The following NRG1 variants were observed in gnomAD, a reference collection of about 807,000 sequenced individuals.
NRG1 encodes pro-neuregulin-1, membrane-bound isoform.
A neutral mutation model predicts 63.8 loss-of-function variants in NRG1; 18 were observed. That is an observed-to-expected ratio of 0.28 (90% CI 0.19 to 0.42). NRG1 has a LOEUF of 0.42. NRG1 is among the 10% of genes least tolerant of loss of function. The pLI, the probability that NRG1 is intolerant of heterozygous loss-of-function variation, is 1.00. For missense variants in NRG1, 762 were observed against 814.7 expected, an observed-to-expected ratio of 0.94 and a Z score of 0.79; for synonymous variants, 302 against 301.3, an observed-to-expected ratio of 1.00 and a Z score of -0.02.
chr8:32,563,526 T>C (rs1238067625), intron 1 of NRG1, among the ~76,000 whole-genome samples: 1 of 152,228 alleles, frequency 6.6e-6, no homozygotes, highest in Non-Finnish European at 1.5e-5. Context: ...TGGGTACTGG[T>C]TATGAATTGT....
At chr8:31,925,001 T>C (rs1834223077) in intron 1 of NRG1, among the ~76,000 whole-genome samples, 1 of 151,420 alleles carries the variant, frequency 6.6e-6, no homozygotes, top group African/African-American at 2.4e-5. Flanking sequence ...ATGAACTTGT[T>C]TTATTGCTTA....
chr8:31,660,544 A>G (rs1004080223), intron 1 of NRG1, among the ~76,000 whole-genome samples: 1 of 152,368 alleles, frequency 6.6e-6, no homozygotes, highest in East Asian at 1.9e-4. Context: ...CAATTAAAAC[A>G]AGGAGAGTCT....
rs567341947 is a variant in NRG1 at position 32,727,026 on chromosome 8, T to C, written c.503-923T>C. Reference sequence around the variant, plus strand: ...GATAAACATTGTGTATATTAGACTATTTTTGGTTGGGACTGAGTATTGCCC... The same window carrying C: ...GATAAACATTGTGTATATTAGACTACTTTTGGTTGGGACTGAGTATTGCCC... On this transcript the variant is annotated intron_variant, in intron 5 of 11. Transcript: ENST00000356819. Among the ~76,000 whole-genome samples, 12 of 152,218 alleles carry C rather than the reference T, an allele frequency of 7.9e-5. No homozygotes were observed. The East Asian group carries it at 1.4e-3, about 17-fold the overall frequency.
At chr8:31,822,861 T>C (rs1389722413) in intron 1 of NRG1, among the ~76,000 whole-genome samples, 1 of 152,202 alleles carries the variant, frequency 6.6e-6, no homozygotes. Flanking sequence ...AGCAGCACTT[T>C]CAGGCAAGGT....
chr8:31,720,468 C>T (rs550680550), intron 1 of NRG1, among the ~76,000 whole-genome samples: 3 of 152,228 alleles, frequency 2.0e-5, no homozygotes, highest in East Asian at 3.9e-4. Flanking sequence ...CTTCCTGATG[C>T]TCTCCCTCCC....
intron 1 of NRG1, among the ~76,000 whole-genome samples, chr8:32,332,593 A>T (rs1802784118): frequency 6.6e-6 from 1 of 152,236 alleles, no homozygotes; most frequent in South Asian, 2.1e-4. Flanking sequence ...ACAAATGATT[A>T]TTCTTCTGAC....
intron 5 of NRG1, among the ~76,000 whole-genome samples, chr8:32,673,246 CAT>C (rs1249730870): frequency 2.0e-5 from 3 of 152,158 alleles, no homozygotes; most frequent in Non-Finnish European, 2.9e-5. Context: ...AAACTTTATA[CAT>C]GTTTCAATTC....
At chr8:31,768,501 C>A (rs1194491119) in intron 1 of NRG1, among the ~76,000 whole-genome samples, 1 of 152,156 alleles carries the variant, frequency 6.6e-6, no homozygotes, top group Non-Finnish European at 1.5e-5. Context: ...GGAATGTTAG[C>A]CCACTGAAGT....
intron 1 of NRG1, among the ~76,000 whole-genome samples, chr8:32,491,665 G>T (rs571994826): frequency 6.6e-6 from 1 of 152,330 alleles, no homozygotes; most frequent in African/African-American, 2.4e-5. Context: ...AGAGGAAAAA[G>T]CTGTTTTAGT....
At chr8:32,758,652 G>T (rs115310555) in intron 9 of NRG1, among the ~76,000 whole-genome samples, 2,077 of 150,370 alleles carry the variant, frequency 0.014, 43 homozygotes, top group African/African-American at 0.048. Context: ...GAATCTACCT[G>T]CATTAAATAG....
At chr8:31,790,854 G>A (rs1820629519) in intron 1 of NRG1, among the ~76,000 whole-genome samples, 1 of 152,176 alleles carries the variant, frequency 6.6e-6, no homozygotes, top group Admixed American at 6.5e-5. Context: ...GTGGTTAATG[G>A]TGGAGCCTGA....
intron 1 of NRG1, among the ~76,000 whole-genome samples, chr8:32,147,793 GC>G (rs1240304085): frequency 6.6e-6 from 1 of 152,192 alleles, no homozygotes; most frequent in Non-Finnish European, 1.5e-5. Context: ...AGACACAGGT[GC>G]CTAGAGAGGT....
chr8:31,792,758 T>G (rs1323720954), intron 1 of NRG1, among the ~76,000 whole-genome samples: 2 of 152,198 alleles, frequency 1.3e-5, no homozygotes, highest in Admixed American at 6.5e-5. Context: ...GTAATCTCCC[T>G]CACTGAGAAG....
intron 3 of NRG1, among the ~76,000 whole-genome samples, chr8:32,611,476 T>C (rs1433254939): frequency 6.6e-6 from 1 of 152,096 alleles, no homozygotes; most frequent in African/African-American, 2.4e-5. Context: ...TATTGTATTA[T>C]GTAGGATGCC....
chr8:32,461,786 C>T (rs1822349297), intron 1 of NRG1, among the ~76,000 whole-genome samples: 1 of 152,206 alleles, frequency 6.6e-6, no homozygotes, highest in Non-Finnish European at 1.5e-5. Flanking sequence ...CCTTCCACCA[C>T]TTAATAATCT....
intron 1 of NRG1, among the ~76,000 whole-genome samples, chr8:32,344,382 C>CTTTCTT (rs59156035): frequency 7.6e-5 from 5 of 65,942 alleles, no homozygotes; most frequent in Non-Finnish European, 9.5e-5. Flanking sequence ...TTCTTTCTTT[C>CTTTCTT]TCTTTCTTTC....
At chr8:32,207,881 A>G (rs1844241797) in intron 1 of NRG1, among the ~76,000 whole-genome samples, 1 of 152,206 alleles carries the variant, frequency 6.6e-6, no homozygotes, top group Non-Finnish European at 1.5e-5. Context: ...TTTCTACTTA[A>G]TTATACCAAG....
intron 1 of NRG1, among the ~76,000 whole-genome samples, chr8:32,522,813 T>C (rs1588102876): frequency 6.6e-6 from 1 of 152,058 alleles, no homozygotes; most frequent in South Asian, 2.1e-4. Flanking sequence ...TTTGCCTTTT[T>C]TTTTTTTTTT....
At position 32,020,243 on chromosome 8, in the gene NRG1, T is replaced by C. The variant is rs370044793; in HGVS notation, c.37+380812T>C. On this transcript the variant is annotated intron_variant, in intron 1 of 10. Transcript: ENST00000519301. ...ATGTTTCATTAGATTTATTCCTAAG[T>C]ATTTGTTTTTGATGCTATGCTAAAT... 7.2e-5 allele frequency among the ~76,000 whole-genome samples: 11 copies of C among 152,322 alleles called. No homozygotes were observed. In the East Asian group the frequency reaches 1.3e-3, roughly 19 times the overall value.
Sources: allele counts gnomAD v4.1 joint callset (sites outside exome capture counted in the v4.1 genomes callset), GRCh38; gene constraint gnomAD v4.1.1; transcripts MANE v1.5; gene names NCBI Gene and HGNC (gene_info 2026-07-23, HGNC 2026-07-21).